Variants in NCOR2 observed in about 807,000 individuals in gnomAD.
NCOR2 encodes CTG repeat protein 26.
A neutral mutation model predicts 262.9 loss-of-function variants in NCOR2; 81 were observed. The ratio of observed to expected loss-of-function variants is 0.31; its 90% CI spans 0.26 to 0.37. The LOEUF is 0.37. Among genes scored for constraint, NCOR2 ranks in the 10% least tolerant of loss-of-function variants. NCOR2 has a pLI of 1.00. For missense variants in NCOR2, 3,385 were observed against 3,621.4 expected, an observed-to-expected ratio of 0.93 and a Z score of 1.68; for synonymous variants, 1,659 against 1,559.3, an observed-to-expected ratio of 1.06 and a Z score of -1.51.
At chr12:124,536,880 A>G (rs998460244), upstream of NCOR2, among the ~76,000 whole-genome samples, 4 of 152,240 alleles carry the variant, frequency 2.6e-5, no homozygotes, top group Non-Finnish European at 5.9e-5. Flanking sequence ...ACAATCGCAG[A>G]ACAACTGAAA....
exon 34 of NCOR2, chr12:124,342,043 G>A: frequency 1.2e-6 from 2 of 1,611,974 alleles, no homozygotes; most frequent in Non-Finnish European, 1.7e-6. Flanking sequence ...TGGGGTTGGG[G>A]GCCAGGTGTC....
intron 9 of NCOR2, 69 bp from the exon 12 acceptor site, chr12:124,429,775 C>T (rs569201259): frequency 7.2e-5 from 103 of 1,430,420 alleles, no homozygotes; most frequent in Admixed American, 4.3e-4. Context: ...ACCCCTGTGG[C>T]GCAGCCCTGA....
intron 15 of NCOR2, among the ~76,000 whole-genome samples, chr12:124,399,621 G>A (rs778940956): frequency 2.0e-5 from 3 of 152,130 alleles, no homozygotes; most frequent in Non-Finnish European, 2.9e-5. Context: ...TACATCCCAC[G>A]AGAAGAAGAG....
chr12:124,522,627 TCA>T (rs1363588439), intron 1 of NCOR2, among the ~76,000 whole-genome samples: 2 of 152,226 alleles, frequency 1.3e-5, no homozygotes, highest in Admixed American at 6.5e-5. Context: ...AAGGTCATAT[TCA>T]CAGTTTCCAA....
At chr12:124,393,374 C>T (rs2041445871) in intron 16 of NCOR2, among the ~76,000 whole-genome samples, 1 of 152,236 alleles carries the variant, frequency 6.6e-6, no homozygotes, top group South Asian at 2.1e-4. Flanking sequence ...CAGCCGCATG[C>T]ACACAAGAAG....
rs547245786 is a variant in NCOR2 at position 124,502,882 on chromosome 12, A to C, written c.-117-7514T>G. Among the ~76,000 whole-genome samples, 89 of 152,224 alleles carry C rather than the reference A, an allele frequency of 5.8e-4. 1 individual carries two copies. In the Middle Eastern group the frequency reaches 0.01, roughly 17 times the overall value. On this transcript the variant is annotated intron_variant, in intron 1 of 46. Coordinates refer to the NCOR2 transcript ENST00000404621. ...GTAACCCTGAATGATGACAGCCACGATTGTCAGGGCCCTAGAGAAACGGGC... is the reference window on the plus strand; with the variant it reads ...GTAACCCTGAATGATGACAGCCACGCTTGTCAGGGCCCTAGAGAAACGGGC...
At chr12:124,339,931 T>C (rs1450782668) in intron 37 of NCOR2, 75 bp downstream of exon 39, 28 of 517,688 alleles carry the variant, frequency 5.4e-5, no homozygotes, top group Non-Finnish European at 9.1e-5. Context: ...CCACCAAGCA[T>C]CCTCTTATCT....
rs555170864 is a variant in NCOR2, at chr12:124,504,083, C to G, written c.-117-8715G>C. ...CAGCGTGGGAGGGTCTCAACTCTCC[C>G]GAGTCCCCCACCTGGCACCACTTCT... On this transcript the variant is annotated intron_variant, in intron 1 of 46. Transcript: ENST00000404621. The surrounding 1 kb of genome is among the most constrained non-coding windows in gnomAD (Gnocchi z 4.5). Among the ~76,000 whole-genome samples, 1 of 152,202 alleles carries G rather than the reference C, an allele frequency of 6.6e-6. No individual in the cohort carries two copies. The highest frequency in any genetic ancestry group is 1.5e-5 in the Non-Finnish European group (1 of 68,034).
chr12:124,446,179 AT>A (rs2045156962), intron 7 of NCOR2, among the ~76,000 whole-genome samples: 2 of 152,126 alleles, frequency 1.3e-5, no homozygotes, highest in Admixed American at 1.3e-4. Flanking sequence ...GGCACTGCAG[AT>A]TTCCTGAACA....
chr12:124,463,502 C>T (rs912682755), intron 5 of NCOR2, among the ~76,000 whole-genome samples: 5 of 152,206 alleles, frequency 3.3e-5, no homozygotes, highest in Non-Finnish European at 5.9e-5. Flanking sequence ...TCCCAGGAGG[C>T]GGGGAGGCGG....
intron 46 of NCOR2, 49 bp from the exon 49 acceptor site, chr12:124,325,632 GCC>G: frequency 5.8e-6 from 7 of 1,211,852 alleles, no homozygotes; most frequent in Non-Finnish European, 7.4e-6. Flanking sequence ...GAGCCCGGCA[GCC>G]CCTGCTGGCC....
chr12:124,544,225 A>G (rs544178655), intron 1 of NCOR2, among the ~76,000 whole-genome samples: 1 of 152,256 alleles, frequency 6.6e-6, no homozygotes, highest in East Asian at 1.9e-4. Flanking sequence ...ACATCACAAC[A>G]CCTGCCTCAC....
intron 16 of NCOR2, among the ~76,000 whole-genome samples, chr12:124,386,594 C>A (rs1371646265): frequency 6.6e-6 from 1 of 152,170 alleles, no homozygotes; most frequent in Non-Finnish European, 1.5e-5. Flanking sequence ...GTTCTCTCAG[C>A]CTCACAGACC....
Position 124,363,811 on chromosome 12 carries a change from C to T in NCOR2, c.2808-12G>A, listed in dbSNP as rs202037116. The T allele has an allele frequency of 1.6e-5, 22 of 1,334,854 alleles. No homozygotes were observed. The highest frequency in any genetic ancestry group is 1.5e-4 in the African/African-American group (10 of 66,648). The allele number at this position is 1,334,854 out of a possible 1,614,324, so 82.7% of individuals were successfully genotyped here. On this transcript the variant is annotated splice_polypyrimidine_tract_variant and intron_variant, in intron 20 of 46. Coordinates refer to ENST00000405201, the Ensembl canonical transcript of NCOR2. The stretch of plus-strand genomic sequence containing the variant: ...TTGGGGACAGCAGCCTGCGGGCACA[C>T]GAGCACCATCAGCTGGGGGCCCACA...
In NCOR2 at chr12:124,483,512, C is replaced by T; in HGVS notation, c.411+84G>A. ...TGCCCGAGCTGCCCCCTCCCTGCACCCCTACCCACCACCTCCCACCCAGCC... is the reference window on the plus strand; with the variant it reads ...TGCCCGAGCTGCCCCCTCCCTGCACTCCTACCCACCACCTCCCACCCAGCC... On this transcript the variant is annotated intron_variant, in intron 3 of 46. Coordinates refer to ENST00000405201, the Ensembl canonical transcript of NCOR2. This position sits in a 1 kb window ranked among gnomAD's most constrained non-coding sequence, Gnocchi z 6.3. 7.2e-7 allele frequency: 1 copy of T among 1,397,980 alleles called. No homozygotes were observed. 86.6% of individuals were successfully genotyped at this position (1,397,980 alleles called of 1,614,324 possible). A position where few individuals can be genotyped will look rare whatever the true frequency, so the allele number is the denominator to read the frequency against.
Position 124,350,575 on chromosome 12 carries a change from C to G in NCOR2, c.3844+12G>C, listed in dbSNP as rs1238826563. 6.2e-7 allele frequency: 1 copy of G among 1,610,126 alleles called. No individual in the cohort carries two copies. The highest frequency in any genetic ancestry group is 2.2e-5 in the East Asian group (1 of 44,784). On this transcript the variant is annotated intron_variant, in intron 28 of 46. Coordinates refer to ENST00000405201, the Ensembl canonical transcript of NCOR2. ...CCCCTGGTCCTGGGCCTCCTCTCCT[C>G]CTGCGACTCACCCTCATAGGACAAG...
At chr12:124,327,685 G>A (rs1255911484) in intron 44 of NCOR2, 52 bp from the exon 47 acceptor site, 10 of 1,391,230 alleles carry the variant, frequency 7.2e-6, no homozygotes, top group Non-Finnish European at 9.9e-7. Flanking sequence ...CGGGGAGGGG[G>A]AGCCAGAGGG....
intron 20 of NCOR2, among the ~76,000 whole-genome samples, chr12:124,365,353 A>T (rs2038946047): frequency 6.6e-6 from 1 of 152,212 alleles, no homozygotes. Flanking sequence ...AGCTGTGACA[A>T]CAGGGACACA....
chr12:124,511,521 C>T (rs944450007), intron 1 of NCOR2, among the ~76,000 whole-genome samples: 9 of 152,168 alleles, frequency 5.9e-5, no homozygotes, highest in Non-Finnish European at 1.3e-4. Context: ...AAAGGGCGTC[C>T]GGGGCCTGGG....
Sources: allele counts gnomAD v4.1 joint callset (sites outside exome capture counted in the v4.1 genomes callset), GRCh38; gene constraint gnomAD v4.1.1; non-coding constraint Gnocchi (gnomAD v3.1); transcripts MANE v1.5; gene names NCBI Gene and HGNC (gene_info 2026-07-23, HGNC 2026-07-21).